Variants in SRGAP2 observed in about 807,000 individuals in gnomAD.
SRGAP2 encodes SLIT-ROBO Rho GTPase activating protein 2.
A neutral mutation model predicts 57.2 loss-of-function variants in SRGAP2; 15 were observed. The observed-to-expected ratio is 0.26, with a 90% CI of 0.18 to 0.40. The LOEUF (loss-of-function observed/expected upper bound fraction) is 0.40. SRGAP2 is among the 10% of genes least tolerant of loss of function. The pLI is 1.00. For missense variants in SRGAP2, 520 were observed against 669.6 expected (o/e 0.78, Z 2.47); for synonymous variants, 249 against 248.0 (o/e 1.00, Z -0.04).
chr1:206,396,802 C>T (rs1572047963), intron 7 of SRGAP2, among the ~76,000 whole-genome samples: 1 of 132,888 alleles, frequency 7.5e-6, no homozygotes, highest in East Asian at 2.1e-4. Context: ...GTTTTCTTTA[C>T]CTTAGTAGCC....
chr1:206,450,277 G>A, intron 18 of SRGAP2, 109 bp from the exon 19 acceptor site: 1 of 673,918 alleles, frequency 1.5e-6, no homozygotes, highest in South Asian at 1.7e-5. Flanking sequence ...AGGATATAGA[G>A]AGCATAAGAT....
intron 4 of SRGAP2, among the ~76,000 whole-genome samples, chr1:206,363,605 T>C (rs1553341022): frequency 6.6e-6 from 1 of 151,856 alleles, no homozygotes; most frequent in Non-Finnish European, 1.5e-5. Flanking sequence ...TGAACTGTCA[T>C]CTTAGTATCC....
At chr1:206,410,968 CT>C (rs1173639602) in intron 10 of SRGAP2, among the ~76,000 whole-genome samples, 1 of 152,240 alleles carries the variant, frequency 6.6e-6, no homozygotes, top group Admixed American at 6.5e-5. Flanking sequence ...TCAAGCAGTT[CT>C]CCTGCCTCAG....
At chr1:206,334,982 T>C (rs1444409782) in intron 3 of SRGAP2, among the ~76,000 whole-genome samples, 2 of 150,902 alleles carry the variant, frequency 1.3e-5, no homozygotes, top group African/African-American at 5.0e-5. Flanking sequence ...CTATGGACTT[T>C]GTGGATCCAA....
rs536070022 is a variant in SRGAP2 at position 206,203,764 on chromosome 1, C to T, written c.-543+114C>T. ...AGGGCGCGGATGCTGCTCGCGGCATCGCCTTAGCGGTGCCGCCCGGAATCC... is the reference window on the plus strand; with the variant it reads ...AGGGCGCGGATGCTGCTCGCGGCATTGCCTTAGCGGTGCCGCCCGGAATCC... On this transcript the variant is annotated intron_variant, in intron 1 of 22. Transcript: ENST00000573034. 8.0e-3 allele frequency: 11,831 copies of T among 1,483,356 alleles called. 84 individuals carry two copies. Among genetic ancestry groups the T allele is most frequent in the Middle Eastern group, 0.03 (124 of 4,074 alleles). The allele number at this position is 1,483,356 out of a possible 1,614,324, so 91.9% of individuals were successfully genotyped here.
intron 2 of SRGAP2, among the ~76,000 whole-genome samples, chr1:206,229,907 GAGAGAT>G (rs778988316): frequency 0.011 from 1,490 of 138,502 alleles, 12 homozygotes; most frequent in Middle Eastern, 0.018. Flanking sequence ...TACGTTGAGA[GAGAGAT>G]ATATATGTAC....
At chr1:206,409,354 C>G (rs1658976514) in intron 10 of SRGAP2, among the ~76,000 whole-genome samples, 1 of 112,064 alleles carries the variant, frequency 8.9e-6, no homozygotes, top group East Asian at 2.4e-4. Context: ...GCCCAGATGA[C>G]ATCAATTGGG....
chr1:206,445,040 A>G (rs1662637114), intron 17 of SRGAP2, among the ~76,000 whole-genome samples: 1 of 152,260 alleles, frequency 6.6e-6, no homozygotes, highest in African/African-American at 2.4e-5. Flanking sequence ...CTCTGCAATC[A>G]GTTCTGAAGA....
intron 4 of SRGAP2, among the ~76,000 whole-genome samples, chr1:206,378,913 A>T (rs1553346032): frequency 6.6e-6 from 1 of 152,192 alleles, no homozygotes; most frequent in Non-Finnish European, 1.5e-5. Context: ...CTGTATTGCA[A>T]TAAAAAATGT....
intron 3 of SRGAP2, among the ~76,000 whole-genome samples, chr1:206,318,448 T>C (rs1673205756): frequency 6.6e-6 from 1 of 152,248 alleles, no homozygotes; most frequent in Admixed American, 6.5e-5. Flanking sequence ...TTCTTGCTCC[T>C]GTTTTCTCCG....
At chr1:206,428,069 T>G (rs782093977) in intron 13 of SRGAP2, among the ~76,000 whole-genome samples, 32 of 152,218 alleles carry the variant, frequency 2.1e-4, no homozygotes, top group Non-Finnish European at 4.3e-4. Context: ...ACCACTGCAC[T>G]CCAGCCTAGG....
At chr1:206,272,803 A>G (rs1170249844) in intron 2 of SRGAP2, among the ~76,000 whole-genome samples, 2 of 152,136 alleles carry the variant, frequency 1.3e-5, no homozygotes, top group Non-Finnish European at 2.9e-5. Context: ...CTTTTTAAAA[A>G]CTGGATTTTC....
At chr1:206,447,264 G>A (rs1662838276) in intron 18 of SRGAP2, among the ~76,000 whole-genome samples, 1 of 152,174 alleles carries the variant, frequency 6.6e-6, no homozygotes. Flanking sequence ...GATTCTGTCT[G>A]AATTCAACAT....
At chr1:206,322,596 A>AG (rs1424977221) in intron 3 of SRGAP2, among the ~76,000 whole-genome samples, 1 of 136,932 alleles carries the variant, frequency 7.3e-6, no homozygotes, top group Non-Finnish European at 1.5e-5. Context: ...AAAAAAAAAA[A>AG]AAGAATTACT....
intron 4 of SRGAP2, among the ~76,000 whole-genome samples, chr1:206,369,147 T>G (rs1303710847): frequency 1.5e-4 from 23 of 152,100 alleles, no homozygotes; most frequent in African/African-American, 5.6e-4. Context: ...CCACAGGAGA[T>G]CCTAGTAATG....
intron 4 of SRGAP2, among the ~76,000 whole-genome samples, chr1:206,376,501 G>A (rs558687434): frequency 6.6e-6 from 1 of 152,256 alleles, no homozygotes; most frequent in South Asian, 2.1e-4. Context: ...GCATAGTGCG[G>A]CGGAAAGAAC....
chr1:206,249,542 A>G (rs1227638593), intron 2 of SRGAP2, among the ~76,000 whole-genome samples: 7 of 150,518 alleles, frequency 4.7e-5, no homozygotes, highest in African/African-American at 1.7e-4. Flanking sequence ...GAGTTGAACA[A>G]TGAGAACATA....
intron 2 of SRGAP2, among the ~76,000 whole-genome samples, chr1:206,249,714 C>T (rs1300829093): frequency 2.0e-5 from 3 of 151,204 alleles, no homozygotes; most frequent in African/African-American, 7.3e-5. Context: ...GCACATTCTG[C>T]ACATATATCC....
intron 3 of SRGAP2, chr1:206,333,211 A>G (rs1246143615): frequency 1.7e-6 from 1 of 577,644 alleles, no homozygotes; most frequent in African/African-American, 1.9e-5. Context: ...GCTCTCTTCA[A>G]AGCTCAGATG....
Sources: allele counts gnomAD v4.1 joint callset (sites outside exome capture counted in the v4.1 genomes callset), GRCh38; gene constraint gnomAD v4.1.1; transcripts MANE v1.5; gene names NCBI Gene and HGNC (gene_info 2026-07-23, HGNC 2026-07-21).